Variants in PSD3 observed in about 807,000 individuals in gnomAD.
PSD3 encodes the protein pleckstrin and Sec7 domain containing 3.
In PSD3, 49 loss-of-function variants were observed where a neutral mutation model predicts 105.5. That is an observed-to-expected ratio of 0.46 (90% CI 0.37 to 0.59). PSD3 has a LOEUF of 0.59. Ranked by LOEUF, PSD3 falls within the 20% of genes least tolerant of loss-of-function variation. The probability of loss-of-function intolerance (pLI) is 0.00; values close to 1 mark genes in which losing one functional copy is unlikely to be tolerated. For synonymous variants in PSD3, 557 were observed against 457.8 expected (o/e 1.22, Z -2.77); for missense variants, 1,561 against 1,263.8 (o/e 1.24, Z -3.57).
At chr8:18,720,629 G>C in intron 9 of PSD3, among the ~76,000 whole-genome samples, 1 of 152,152 alleles carries the variant, frequency 6.6e-6, no homozygotes, top group East Asian at 1.9e-4. Context: ...AGTACATACT[G>C]AATGTGCCAG....
At chr8:18,782,934 G>T (rs903032146) in intron 8 of PSD3, among the ~76,000 whole-genome samples, 1 of 152,172 alleles carries the variant, frequency 6.6e-6, no homozygotes, top group Non-Finnish European at 1.5e-5. Context: ...AATTAGGTTT[G>T]TTTTAGAATG....
chr8:18,731,520 T>C (rs1272403227), intron 9 of PSD3, among the ~76,000 whole-genome samples: 1 of 152,212 alleles, frequency 6.6e-6, no homozygotes, highest in Non-Finnish European at 1.5e-5. Context: ...TTTAATCAAC[T>C]GTTTAGGACA....
chr8:18,718,121 T>G (rs960968907), intron 9 of PSD3, among the ~76,000 whole-genome samples: 1 of 152,212 alleles, frequency 6.6e-6, no homozygotes, highest in African/African-American at 2.4e-5. Context: ...AAGCTCTGAC[T>G]GTATCTTACC....
In PSD3 at chr8:18,892,782, G is replaced by A. The variant is rs144340777; in HGVS notation, c.131-20049C>T. Among the ~76,000 whole-genome samples the A allele has an allele frequency of 6.0e-3, 904 of 151,710 alleles. 5 individuals are homozygous for A. The highest frequency in any genetic ancestry group is 9.4e-3 in the Non-Finnish European group (638 of 67,948). ...TGGGATTACAGGCATATACCACCAC[G>A]TATGGCTAACTTTTGTATTTTTAGT... On this transcript the variant is annotated intron_variant, in intron 2 of 15. Transcript: ENST00000327040.
chr8:18,626,633 C>G (rs1405182482), intron 11 of PSD3, among the ~76,000 whole-genome samples: 1 of 151,990 alleles, frequency 6.6e-6, no homozygotes, highest in Non-Finnish European at 1.5e-5. Context: ...TGTGTAAGTC[C>G]TTACTATAAA....
intron 8 of PSD3, among the ~76,000 whole-genome samples, chr8:18,790,520 T>G (rs1055107219): frequency 6.6e-6 from 1 of 152,004 alleles, no homozygotes; most frequent in Non-Finnish European, 1.5e-5. Context: ...GCCAGGATGG[T>G]CTCTATCTCC....
At chr8:19,068,071 G>A (rs1301992066) in intron 1 of PSD3, among the ~76,000 whole-genome samples, 3 of 152,152 alleles carry the variant, frequency 2.0e-5, no homozygotes, top group Admixed American at 1.3e-4. Flanking sequence ...AGGTCTGTGT[G>A]CTGGGAATAC....
At chr8:18,991,600 C>A (rs1825813177) in intron 1 of PSD3, among the ~76,000 whole-genome samples, 1 of 152,120 alleles carries the variant, frequency 6.6e-6, no homozygotes, top group African/African-American at 2.4e-5. Context: ...CCAAAACAGC[C>A]AGTGACACTT....
At position 18,534,370 on chromosome 8, in the gene PSD3, C is replaced by G. The variant is rs1799748244; in HGVS notation, c.*1373G>C. ...GTGGGCTAAACTTTCACTCCTTTCT[C>G]TTCCTCTACAGAAGAATATTCTGTT... On this transcript the variant is annotated 3_prime_UTR_variant, in exon 16 of 16. Transcript: ENST00000327040. 1 of 152,604 alleles carries G rather than the reference C, an allele frequency of 6.6e-6. No homozygotes were observed. Among genetic ancestry groups the G allele is most frequent in the African/African-American group, 2.4e-5 (1 of 41,440 alleles). The allele number at this position is 152,604 out of a possible 1,614,324, so 9.5% of individuals were successfully genotyped here. A position where few individuals can be genotyped will look rare whatever the true frequency, so the allele number is the denominator to read the frequency against.
At chr8:19,031,071 T>C (rs1430326549) in intron 1 of PSD3, among the ~76,000 whole-genome samples, 2 of 152,214 alleles carry the variant, frequency 1.3e-5, no homozygotes, top group Non-Finnish European at 2.9e-5. Flanking sequence ...ATGGACTATG[T>C]ACCAGCAGCA....
intron 8 of PSD3, among the ~76,000 whole-genome samples, chr8:18,791,031 C>A (rs1809672508): frequency 6.6e-6 from 1 of 152,076 alleles, no homozygotes; most frequent in South Asian, 2.1e-4. Flanking sequence ...AATGAAGGAC[C>A]TCTTCAAGAA....
At chr8:18,714,865 G>T (rs1475680908) in intron 9 of PSD3, among the ~76,000 whole-genome samples, 1 of 152,136 alleles carries the variant, frequency 6.6e-6, no homozygotes, top group Non-Finnish European at 1.5e-5. Context: ...CAATATCAAA[G>T]ACATGGAATC....
intron 11 of PSD3, among the ~76,000 whole-genome samples, chr8:18,619,075 A>G (rs1805916872): frequency 6.6e-6 from 1 of 152,084 alleles, no homozygotes; most frequent in Middle Eastern, 3.2e-3. Flanking sequence ...TAAATCAATG[A>G]TCTATCTTGC....
chr8:18,791,343 A>G (rs1179791459), intron 8 of PSD3, among the ~76,000 whole-genome samples: 2 of 152,224 alleles, frequency 1.3e-5, no homozygotes, highest in Admixed American at 6.5e-5. Flanking sequence ...ACAGGGCTAC[A>G]GTAACCCAAA....
chr8:18,843,903 A>G (rs1300275913), intron 4 of PSD3, among the ~76,000 whole-genome samples: 2 of 142,928 alleles, frequency 1.4e-5, no homozygotes, highest in Non-Finnish European at 3.0e-5. Flanking sequence ...TAACCACTTT[A>G]TAAGATAGAC....
intron 1 of PSD3, among the ~76,000 whole-genome samples, chr8:18,938,905 C>A (rs1822336059): frequency 6.6e-6 from 1 of 152,104 alleles, no homozygotes; most frequent in Non-Finnish European, 1.5e-5. Flanking sequence ...GGATGACTCC[C>A]AGGAATCTGG....
intron 15 of PSD3, among the ~76,000 whole-genome samples, chr8:18,548,044 G>C (rs754096451): frequency 9.2e-5 from 14 of 151,934 alleles, no homozygotes; most frequent in Non-Finnish European, 1.2e-4. Context: ...TAACTGACAT[G>C]TTTTCAAGTT....
intron 2 of PSD3, among the ~76,000 whole-genome samples, chr8:18,902,927 G>A (rs1253621265): frequency 1.3e-5 from 2 of 152,194 alleles, no homozygotes; most frequent in Admixed American, 6.5e-5. Flanking sequence ...TTCTCTAGGT[G>A]TCAGGTCTGA....
chr8:18,857,078 C>A (rs957500057), intron 4 of PSD3, among the ~76,000 whole-genome samples: 1 of 152,218 alleles, frequency 6.6e-6, no homozygotes, highest in African/African-American at 2.4e-5. Context: ...CACCACCACA[C>A]CTAAGACAAC....
Sources: gnomAD v4.1 joint callset for allele counts (sites outside exome capture counted in the v4.1 genomes callset) on GRCh38, gnomAD v4.1.1 for gene constraint, MANE v1.5 for transcripts, NCBI Gene and HGNC (gene_info 2026-07-23, HGNC 2026-07-21) for gene names.